Variants in LTO1 observed in about 807,000 individuals in gnomAD.
LTO1 encodes protein LTO1 homolog.
LTO1 carries 18 observed loss-of-function variants against 19.8 expected under a neutral mutation model. The observed-to-expected ratio is 0.91, with a 90% CI of 0.63 to 1.35. The LOEUF (loss-of-function observed/expected upper bound fraction) is 1.35. LTO1 is among the 40% of genes most tolerant of loss of function. LTO1 has a pLI of 0.00. For synonymous variants in LTO1, 59 were observed against 59.6 expected (o/e 0.99, Z 0.05); for missense variants, 175 against 167.9 (o/e 1.04, Z -0.23).
chr11:69,675,343 G>A lies in LTO1; in HGVS notation c.-104C>T, dbSNP rs926346884. On this transcript the variant is annotated 5_prime_UTR_variant, in exon 1 of 5. Transcript: ENST00000279147. ...AAATGCTCCGCTTGGGAGGAGACGA[G>A]ACCCACTTCCGGAAGCGGCGGCGCG... The A allele has an allele frequency of 1.0e-6, 1 of 971,514 alleles. No individual in the cohort carries two copies. Among genetic ancestry groups the A allele is most frequent in the Non-Finnish European group, 1.5e-6 (1 of 681,812 alleles). The allele number at this position is 971,514 out of a possible 1,614,324, so 60.2% of individuals were successfully genotyped here. A position where few individuals can be genotyped will look rare whatever the true frequency, so the allele number is the denominator to read the frequency against.
At chr11:69,667,819 C>T (rs773467247) in intron 4 of LTO1, 76 bp downstream of exon 4, 28 of 857,036 alleles carry the variant, frequency 3.3e-5, no homozygotes, top group Non-Finnish European at 5.2e-5. Context: ...CCGCAGCGGC[C>T]CCGGGAGTGC....
intron 3 of LTO1, 117 bp from the exon 4 acceptor site, chr11:69,668,129 C>T (rs1000493325): frequency 1.5e-6 from 1 of 670,344 alleles, no homozygotes; most frequent in Non-Finnish European, 2.7e-6. Flanking sequence ...TGCCTTCGTT[C>T]AAAAGCTGGA....
At chr11:69,673,394 T>G (rs1233194045) in intron 1 of LTO1, 73 bp from the exon 2 acceptor site, 3 of 1,028,274 alleles carry the variant, frequency 2.9e-6, no homozygotes, top group Non-Finnish European at 4.6e-6. Context: ...TTCTCTCTCT[T>G]GTATTACCCG....
intron 3 of LTO1, among the ~76,000 whole-genome samples, chr11:69,670,295 T>G (rs57305675): frequency 0.056 from 8,514 of 152,262 alleles, 778 homozygotes; most frequent in African/African-American, 0.19. Flanking sequence ...GCGGAGCACT[T>G]CTCCAGGAGC....
rs1205991719 is a variant in LTO1, at chr11:69,666,701, C to T, written c.*818G>A. 2 of 152,260 alleles carry T rather than the reference C, an allele frequency of 1.3e-5. No individual in the cohort carries two copies. Among genetic ancestry groups the T allele is most frequent in the East Asian group, 1.9e-4 (1 of 5,192 alleles). 9.4% of individuals were successfully genotyped at this position (152,260 alleles called of 1,614,324 possible). On this transcript the variant is annotated 3_prime_UTR_variant, in exon 5 of 5. Transcript: ENST00000279147. The stretch of plus-strand genomic sequence containing the variant: ...TTTTAATGCTGCAAAGCTCATCGCC[C>T]CTCTAGGGACAGTGCAAAGGATATG...
chr11:69,672,712 C>G (rs1461522403), intron 2 of LTO1: 1 of 225,470 alleles, frequency 4.4e-6, no homozygotes, highest in Non-Finnish European at 9.0e-6. Flanking sequence ...TATCTACCTA[C>G]AGCAAAATGC....
At chr11:69,674,459 G>A (rs1183262750) in intron 1 of LTO1, 2 of 309,804 alleles carry the variant, frequency 6.5e-6, no homozygotes, top group African/African-American at 2.2e-5. Flanking sequence ...ATGAAGCAGG[G>A]TGCATAGCTC....
Position 69,667,302 on chromosome 11 carries a change from C to G in LTO1, c.*217G>C. The G allele has an allele frequency of 1.7e-6, 1 of 579,620 alleles. No individual in the cohort carries two copies. Among genetic ancestry groups the G allele is most frequent in the Non-Finnish European group, 3.1e-6 (1 of 327,324 alleles). The allele number at this position is 579,620 out of a possible 1,614,324, so 35.9% of individuals were successfully genotyped here. On this transcript the variant is annotated 3_prime_UTR_variant, in exon 5 of 5. Transcript: ENST00000279147. ...AGGGCTCTGCCAGGGACGGCTTCAG[C>G]CCAACAAAGGGCATGTGTGGCGAGG...
intron 3 of LTO1, among the ~76,000 whole-genome samples, chr11:69,669,474 A>G (rs2119840690): frequency 6.6e-6 from 1 of 152,326 alleles, no homozygotes; most frequent in South Asian, 2.1e-4. Context: ...AAAACTGTGA[A>G]AGGTCAAAGC....
At chr11:69,667,620 T>C (rs777612668) in intron 4 of LTO1, 33 bp from the exon 5 acceptor site, 1 of 1,457,412 alleles carries the variant, frequency 6.9e-7, no homozygotes, top group Non-Finnish European at 9.6e-7. Flanking sequence ...ATTTTTAATC[T>C]TGTGCATTTT....
At chr11:69,674,793 T>C (rs1180125707) in intron 1 of LTO1, 1 of 473,410 alleles carries the variant, frequency 2.1e-6, no homozygotes, top group African/African-American at 2.0e-5. Context: ...TGTGGTCGGG[T>C]ACATCTATCA....
Position 69,667,060 on chromosome 11 carries a change from C to T in LTO1, c.*459G>A, listed in dbSNP as rs1231143545. ...AACACACGGGAGGCACGTCCCGCAC[C>T]GCCTGGCACACAATCGGCCTCGACA... is the stretch of plus-strand genomic sequence containing the variant. On this transcript the variant is annotated 3_prime_UTR_variant, in exon 5 of 5. Transcript: ENST00000279147. 1 of 160,732 alleles carries T rather than the reference C, an allele frequency of 6.2e-6. No individual in the cohort carries two copies. Among genetic ancestry groups the T allele is most frequent in the African/African-American group, 2.4e-5 (1 of 41,624 alleles). The allele number at this position is 160,732 out of a possible 1,614,324, so 10.0% of individuals were successfully genotyped here.
At chr11:69,670,343 G>A (rs1186027249) in intron 3 of LTO1, among the ~76,000 whole-genome samples, 1 of 152,222 alleles carries the variant, frequency 6.6e-6, no homozygotes, top group Non-Finnish European at 1.5e-5. Flanking sequence ...GGAGACAGGC[G>A]GAGAACTCCA....
intron 3 of LTO1, chr11:69,671,425 A>G (rs1447571808): frequency 4.2e-6 from 1 of 240,914 alleles, no homozygotes; most frequent in Non-Finnish European, 8.2e-6. Flanking sequence ...GTGAATGAGA[A>G]AATACAATCA....
At chr11:69,675,139 G>A (rs61882809) in intron 1 of LTO1, 51 bp downstream of exon 1, 4 of 1,553,720 alleles carry the variant, frequency 2.6e-6, no homozygotes, top group Admixed American at 3.5e-5. Context: ...CGGCGAAGCC[G>A]CTGGGAGACG....
chr11:69,670,435 C>G (rs1856094009), intron 3 of LTO1, among the ~76,000 whole-genome samples: 1 of 152,224 alleles, frequency 6.6e-6, no homozygotes, highest in African/African-American at 2.4e-5. Flanking sequence ...AGGCTGCCAA[C>G]AGCGATTCCC....
Position 69,673,334 on chromosome 11 carries a change from A to T in LTO1, c.51-13T>A. On this transcript the variant is annotated splice_polypyrimidine_tract_variant and intron_variant, in intron 1 of 4. Transcript: ENST00000279147. ...TTCCCCATGAAACCTGTGAAGAAGA[A>T]GCATGCTTCATCAAATCAACAGGAG... The T allele has an allele frequency of 1.3e-6, 2 of 1,506,640 alleles. No individual in the cohort carries two copies. Among genetic ancestry groups the T allele is most frequent in the Non-Finnish European group, 1.8e-6 (2 of 1,082,204 alleles). The allele number at this position is 1,506,640 out of a possible 1,614,324, so 93.3% of individuals were successfully genotyped here.
intron 4 of LTO1, 91 bp downstream of exon 4, chr11:69,667,804 C>T: frequency 2.5e-6 from 2 of 805,708 alleles, no homozygotes; most frequent in Non-Finnish European, 2.2e-6. Context: ...AGCCCCAGGC[C>T]ATTGCCGCAG....
chr11:69,671,641 T>C, intron 3 of LTO1, 108 bp downstream of exon 3: 1 of 719,874 alleles, frequency 1.4e-6, no homozygotes, highest in East Asian at 2.5e-5. Flanking sequence ...TTTTCTCCAT[T>C]TTACAGATGA....
Sources: gnomAD v4.1 joint callset for allele counts (sites outside exome capture counted in the v4.1 genomes callset) on GRCh38, gnomAD v4.1.1 for gene constraint, MANE v1.5 for transcripts, NCBI Gene and HGNC (gene_info 2026-07-23, HGNC 2026-07-21) for gene names.